The following TG variants were observed in gnomAD, a reference collection of about 807,000 sequenced individuals.
TG encodes the protein thyroglobulin.
Under a neutral mutation model 324.7 loss-of-function variants are expected in TG, and 270 were observed. The ratio of observed to expected loss-of-function variants is 0.83; its 90% CI spans 0.75 to 0.92. TG has a LOEUF of 0.92. Ranked by LOEUF, TG falls within the 40% of genes least tolerant of loss-of-function variation. The pLI, the probability that TG is intolerant of heterozygous loss-of-function variation, is 0.00. For missense variants in TG, 3,591 were observed against 3,456.4 expected, an observed-to-expected ratio of 1.04 and a Z score of -0.98; for synonymous variants, 1,401 against 1,327.0, an observed-to-expected ratio of 1.06 and a Z score of -1.21.
At chr8:133,019,775 G>T in intron 39 of TG, 80 bp downstream of exon 39, 1 of 1,244,668 alleles carries the variant, frequency 8.0e-7, no homozygotes, top group Non-Finnish European at 1.2e-6. Flanking sequence ...GGCCAGCACA[G>T]TTCAGTCTCC....
intron 34 of TG, 136 bp downstream of exon 34, chr8:132,972,877 G>T: frequency 1.7e-6 from 2 of 1,192,404 alleles, no homozygotes; most frequent in Admixed American, 1.9e-5. Flanking sequence ...AATAGATTCT[G>T]TTTAACTTAA....
intron 41 of TG, among the ~76,000 whole-genome samples, chr8:133,041,784 GTTTTTTTTTTTTT>G (rs529937626): frequency 8.0e-6 from 1 of 124,422 alleles, no homozygotes; most frequent in Non-Finnish European, 1.7e-5. Flanking sequence ...CTTGTGGTCA[GTTTTTTTTTTTTT>G]TTTTTTTTTT....
At chr8:133,046,278 T>A (rs1839380302) in intron 41 of TG, among the ~76,000 whole-genome samples, 1 of 152,220 alleles carries the variant, frequency 6.6e-6, no homozygotes, top group Non-Finnish European at 1.5e-5. Context: ...AAATCTCTAT[T>A]AATTCTCAGA....
At position 132,910,891 on chromosome 8, in the gene TG, G is replaced by A. The variant is rs186487181; in HGVS notation, c.4003-486G>A. Among the ~76,000 whole-genome samples the A allele has an allele frequency of 1.8e-3, 273 of 152,212 alleles. 1 individual carries two copies. Among genetic ancestry groups the A allele is most frequent in the Non-Finnish European group, 2.8e-3 (192 of 68,006 alleles). On this transcript the variant is annotated intron_variant, in intron 18 of 47. Transcript: ENST00000220616. ...CCTTGGGCTAACAGGCCTCACAACC[G>A]TCTGTCTTTCTCCCCAACCCTGAGG...
intron 41 of TG, among the ~76,000 whole-genome samples, chr8:133,084,298 G>GA (rs775317979): frequency 5.9e-5 from 9 of 152,068 alleles, no homozygotes; most frequent in Non-Finnish European, 8.8e-5. Flanking sequence ...CAAAGCTGCA[G>GA]AAAAAAATGA....
chr8:132,944,222 A>G (rs1215735794), intron 26 of TG, among the ~76,000 whole-genome samples: 2 of 152,088 alleles, frequency 1.3e-5, no homozygotes, highest in Non-Finnish European at 2.9e-5. Context: ...ATTTTGTTTG[A>G]GATCGAGGTG....
intron 41 of TG, chr8:133,075,045 G>C: frequency 1.0e-6 from 1 of 985,358 alleles, no homozygotes; most frequent in Non-Finnish European, 1.2e-6. Context: ...TACTTCCTCT[G>C]CTAGGAACGA....
chr8:133,042,376 G>T lies in TG; in HGVS notation c.7239+12353G>T, dbSNP rs1838427903. On this transcript the variant is annotated intron_variant, in intron 41 of 47. Coordinates refer to ENST00000220616, the MANE Select transcript of TG (RefSeq NM_003235.5). ...GGTTCCTAGACCCTCAAGGTCCCCA[G>T]CCCTTGATTTTCCCAGCCATATTTT... Among the ~76,000 whole-genome samples the T allele has an allele frequency of 2.0e-5, 3 of 152,162 alleles. No individual in the cohort carries two copies. In the South Asian group the frequency reaches 6.2e-4, roughly 32 times the overall value.
At chr8:132,900,382 T>A in intron 15 of TG, 43 bp downstream of exon 15, 1 of 1,560,340 alleles carries the variant, frequency 6.4e-7, no homozygotes. Context: ...ACCTCTTCTG[T>A]GGGGCACTGA....
chr8:133,113,470 C>A lies in TG; in HGVS notation c.7621C>A (p.Gln2541Lys). ...GACCAGTAGCAAAACAGCCTTTTAC[C>A]AGGCACTGCAGAATTCTCTGGGTGG... ...GRTSSKTAFY[Q>K]ALQNSLGGED... The change falls in exon 44 of 48, where the codon CAG (glutamine) becomes AAG (lysine). Residue 2541 changes from glutamine (Q) to lysine (K), a missense_variant. By Grantham distance (53) the Gln-to-Lys change is moderately conservative. Transcript: ENST00000220616. 6.2e-7 allele frequency: 1 copy of A among 1,613,946 alleles called. No homozygotes were observed. The highest frequency in any genetic ancestry group is 8.5e-7 in the Non-Finnish European group (1 of 1,179,998).
Position 133,029,920 on chromosome 8 carries a change from G to A in TG, c.7136G>A (p.Arg2379His), listed in dbSNP as rs377043149. ...CGAGGATTTGGCGGGGACCCTCGGC[G>A]CGTGTCCCTGGCAGCAGACCGTGGC... ...HIRGFGGDPR[R>H]VSLAADRGGA... The change falls in exon 41 of 48, where the codon CGC becomes CAC. Residue 2379 changes from arginine (R) to histidine (H), a missense_variant. Arg to His is a conservative substitution (Grantham distance 29, BLOSUM62 0). Transcript: ENST00000220616. 80 of 1,614,216 alleles carry A rather than the reference G, an allele frequency of 5.0e-5. No individual in the cohort carries two copies. Among genetic ancestry groups the A allele is most frequent in the African/African-American group, 3.1e-4 (23 of 75,062 alleles).
intron 17 of TG, 40 bp from the exon 18 acceptor site, chr8:132,908,146 A>G (rs767565489): frequency 4.3e-5 from 70 of 1,611,318 alleles, no homozygotes; most frequent in Non-Finnish European, 5.8e-5. Flanking sequence ...ATAACTCTAC[A>G]GGCCCATTGC....
At position 132,898,869 on chromosome 8, in the gene TG, A is replaced by C. The variant is rs1263051106; in HGVS notation, c.3289A>C (p.Asn1097His). Residue 1097 changes from asparagine to histidine, a missense_variant, in exon 14 of 48, where the codon AAC (asparagine) becomes CAC (histidine). Coordinates refer to ENST00000220616, the MANE Select transcript of TG (RefSeq NM_003235.5). ...TTGGAAACAGGCTAGATCCCAAGAA[A>C]ACCCATCTCCAAAAGACCTGTTCGT... ...SSWKQARSQENPSPKDLFVPA... is the reference protein window; with the variant it reads ...SSWKQARSQEHPSPKDLFVPA... 1 of 1,614,176 alleles carries C rather than the reference A, an allele frequency of 6.2e-7. No homozygotes were observed. Among genetic ancestry groups the C allele is most frequent in the Admixed American group, 1.7e-5 (1 of 60,022 alleles).
At chr8:132,969,600 T>G (rs768787858) in intron 32 of TG, 31 bp downstream of exon 32, 17 of 1,365,614 alleles carry the variant, frequency 1.2e-5, no homozygotes, top group Non-Finnish European at 1.8e-5. Context: ...CCCTAATGTT[T>G]ATTATGAATA....
chr8:133,092,644 T>G (rs1847748070), intron 41 of TG, among the ~76,000 whole-genome samples: 1 of 152,194 alleles, frequency 6.6e-6, no homozygotes, highest in African/African-American at 2.4e-5. Context: ...AGATGGTCAC[T>G]TGCCCAAGCC....
intron 32 of TG, 34 bp downstream of exon 32, chr8:132,969,603 T>A: frequency 7.4e-7 from 1 of 1,359,612 alleles, no homozygotes; most frequent in South Asian, 1.2e-5. Context: ...TAATGTTTAT[T>A]ATGAATAATA....
intron 20 of TG, among the ~76,000 whole-genome samples, chr8:132,914,747 T>C (rs73708400): frequency 0.022 from 3,373 of 152,284 alleles, 92 homozygotes; most frequent in African/African-American, 0.065. Context: ...CTGTGATCTT[T>C]CTTTCTATTC....
chr8:132,951,326 A>G (rs1193082204), intron 27 of TG, among the ~76,000 whole-genome samples: 1 of 152,228 alleles, frequency 6.6e-6, no homozygotes, highest in Non-Finnish European at 1.5e-5. Flanking sequence ...ATTTGGTGGA[A>G]TTCCATGAAG....
chr8:133,113,430 G>A lies in TG; in HGVS notation c.7581G>A (p.Glu2527=). The A allele has an allele frequency of 6.2e-7, 1 of 1,613,908 alleles. No homozygotes were observed. The highest frequency in any genetic ancestry group is 8.5e-7 in the Non-Finnish European group (1 of 1,179,982). ...INRAKAVKQF[E]ESRGRTSSKT... ...TCTTTTTTTTTTTCTAGCAATTTGA[G>A]GAAAGTCGAGGCCGGACCAGTAGCA... is the stretch of plus-strand genomic sequence containing the variant. The change falls in exon 44 of 48, where the codon GAG becomes GAA. Residue 2527 remains glutamate, a synonymous_variant. Transcript: ENST00000220616.
Sources: gnomAD v4.1 joint callset for allele counts (sites outside exome capture counted in the v4.1 genomes callset) on GRCh38, gnomAD v4.1.1 for gene constraint, MANE v1.5 for transcripts, NCBI Gene and HGNC (gene_info 2026-07-23, HGNC 2026-07-21) for gene names.